The following ZNF599 variants were observed in gnomAD, a reference collection of about 807,000 sequenced individuals.
ZNF599 encodes the protein zinc finger protein 599.
In ZNF599, 10 loss-of-function variants were observed where a neutral mutation model predicts 11.7. The observed-to-expected ratio is 0.86, with a 90% CI of 0.53 to 1.45. The LOEUF (loss-of-function observed/expected upper bound fraction) is 1.45, where lower values mean the gene tolerates loss of function less well. ZNF599 is among the 40% of genes most tolerant of loss of function. The probability of loss-of-function intolerance (pLI) is 0.00; values close to 1 mark genes in which losing one functional copy is unlikely to be tolerated. For missense variants in ZNF599, 688 were observed against 713.6 expected (o/e 0.96, Z 0.41); for synonymous variants, 232 against 253.2 (o/e 0.92, Z 0.79).
chr19:34,769,807 C>G (rs780405485), intron 1 of ZNF599, among the ~76,000 whole-genome samples: 2 of 152,174 alleles, frequency 1.3e-5, no homozygotes, highest in Non-Finnish European at 2.9e-5. Context: ...GAGGAGCAGA[C>G]AGTAATGTCC....
In ZNF599 at chr19:34,760,257, C is replaced by G. The variant is rs2069103504; in HGVS notation, c.544G>C (p.Asp182His). Residue 182 changes from aspartate (D) to histidine (H), a missense_variant, in exon 4 of 4, where the codon GAC becomes CAC. Transcript: ENST00000329285. ...GGGTCTTTTCCTGGTCCTTGAGAGT[C>G]ACACTCATGGAGAGCATCTTGTGGA... ...VTPQDALHEC[D>H]SQGPGKDPMT... is the part of the protein sequence containing the mutation. The G allele has an allele frequency of 1.9e-6, 3 of 1,614,024 alleles. No homozygotes were observed. The highest frequency in any genetic ancestry group is 1.3e-5 in the African/African-American group (1 of 74,888).
chr19:34,776,123 T>C (rs2069216172), upstream of ZNF599, among the ~76,000 whole-genome samples: 1 of 152,220 alleles, frequency 6.6e-6, no homozygotes, highest in Admixed American at 6.5e-5. Context: ...TGCATTTACT[T>C]TCAATCAACA....
At chr19:34,802,843 A>G in the ZNF599 span, among the ~76,000 whole-genome samples, 1 of 152,304 alleles carries the variant, frequency 6.6e-6, no homozygotes, top group Non-Finnish European at 1.5e-5. Context: ...CCCTGCTCCC[A>G]GCTGAGAATA....
At chr19:34,769,705 C>T in intron 1 of ZNF599, 150 bp from the exon 2 acceptor site, 1 of 906,332 alleles carries the variant, frequency 1.1e-6, no homozygotes, top group South Asian at 1.7e-5. Flanking sequence ...GATGGTGCCG[C>T]TGACAGAATA....
At chr19:34,766,439 G>C (rs145156586) in intron 3 of ZNF599, among the ~76,000 whole-genome samples, 150 of 152,356 alleles carry the variant, frequency 9.8e-4, no homozygotes, top group African/African-American at 3.5e-3. Context: ...GCAGAGTGTA[G>C]TTTGAAATAG....
the ZNF599 span, among the ~76,000 whole-genome samples, chr19:34,790,223 T>C: frequency 1.3e-5 from 2 of 152,198 alleles, no homozygotes; most frequent in Non-Finnish European, 2.9e-5. Flanking sequence ...ACAAAAGGCT[T>C]TCTGACATGC....
At chr19:34,794,694 C>G in the ZNF599 span, among the ~76,000 whole-genome samples, 1 of 151,976 alleles carries the variant, frequency 6.6e-6, no homozygotes, top group Non-Finnish European at 1.5e-5. Context: ...CCTCAGCCTT[C>G]CAAGTAGCTA....
At chr19:34,802,566 T>C in the ZNF599 span, among the ~76,000 whole-genome samples, 2 of 152,116 alleles carry the variant, frequency 1.3e-5, no homozygotes, top group Non-Finnish European at 2.9e-5. Context: ...CAGGAGTAGG[T>C]AAGATGTGCA....
chr19:34,780,653 G>A, the ZNF599 span, among the ~76,000 whole-genome samples: 1 of 142,924 alleles, frequency 7.0e-6, no homozygotes, highest in African/African-American at 2.6e-5. Context: ...GAAAGAGAGA[G>A]GGGGAGGGAG....
In ZNF599 at chr19:34,759,594, C is replaced by G; in HGVS notation, c.1207G>C (p.Ala403Pro). The change falls in exon 4 of 4, where the codon GCC (alanine) becomes CCC (proline). Residue 403 changes from alanine (A) to proline (P), a missense_variant. By Grantham distance (27) the Ala-to-Pro change is conservative. Coordinates refer to ENST00000329285, the MANE Select transcript of ZNF599 (RefSeq NM_001007248.3). Reference protein sequence around the residue: ...KPYECGECGKAFTHRSTFIRH... With the variant: ...KPYECGECGKPFTHRSTFIRH... ...ATGAAAGTGGAGCGATGAGTAAAGG[C>G]CTTTCCACATTCACCGCACTCATAG... 6.2e-7 allele frequency: 1 copy of G among 1,613,278 alleles called. No homozygotes were observed. The highest frequency in any genetic ancestry group is 2.2e-5 in the East Asian group (1 of 44,748).
chr19:34,772,900 C>T lies in ZNF599; in HGVS notation c.-59G>A, dbSNP rs577478703. The T allele has an allele frequency of 3.4e-4, 476 of 1,402,118 alleles. 2 individuals are homozygous for T. In the African/African-American group the frequency reaches 6.0e-3, roughly 18 times the overall value. 86.9% of individuals were successfully genotyped at this position (1,402,118 alleles called of 1,614,324 possible). A position where few individuals can be genotyped will look rare whatever the true frequency, so the allele number is the denominator to read the frequency against. The stretch of plus-strand genomic sequence containing the variant: ...GGCGAGGAAGCCGGTCCTGCGGGCT[C>T]GGCCGACCCCGGGCTCCGGCTCTGG... On this transcript the variant is annotated 5_prime_UTR_variant, in exon 1 of 4. Coordinates refer to ENST00000329285, the MANE Select transcript of ZNF599 (RefSeq NM_001007248.3).
At chr19:34,762,435 T>C (rs566196386) in intron 3 of ZNF599, among the ~76,000 whole-genome samples, 1 of 152,322 alleles carries the variant, frequency 6.6e-6, no homozygotes, top group South Asian at 2.1e-4. Context: ...GAGCATTATC[T>C]AGTAAAATTC....
chr19:34,761,064 A>G (rs569489415), intron 3 of ZNF599, among the ~76,000 whole-genome samples: 1 of 152,180 alleles, frequency 6.6e-6, no homozygotes, highest in Non-Finnish European at 1.5e-5. Flanking sequence ...AGATGAAAAC[A>G]GAATGTACAA....
upstream of ZNF599, among the ~76,000 whole-genome samples, chr19:34,777,396 T>C (rs865950377): frequency 1.9e-4 from 17 of 87,874 alleles, no homozygotes; most frequent in East Asian, 1.1e-3. Flanking sequence ...TAATATATAA[T>C]ATATATTATA....
At chr19:34,801,081 A>G in the ZNF599 span, among the ~76,000 whole-genome samples, 1 of 152,222 alleles carries the variant, frequency 6.6e-6, no homozygotes, top group Non-Finnish European at 1.5e-5. Context: ...CACCTTCTCC[A>G]TATCACAGTC....
At chr19:34,768,982 A>G (rs1176925416) in intron 2 of ZNF599, among the ~76,000 whole-genome samples, 9 of 152,188 alleles carry the variant, frequency 5.9e-5, no homozygotes, top group African/African-American at 1.9e-4. Context: ...AGGTGCTAGG[A>G]GCCAAAGAGA....
chr19:34,779,122 T>C, the ZNF599 span, among the ~76,000 whole-genome samples: 2 of 152,114 alleles, frequency 1.3e-5, no homozygotes, highest in African/African-American at 2.4e-5. Flanking sequence ...GGTCTTACTC[T>C]GTCACCCAGG....
intron 3 of ZNF599, chr19:34,763,193 G>C (rs529708846): frequency 5.9e-5 from 9 of 152,174 alleles, no homozygotes; most frequent in African/African-American, 1.9e-4. Flanking sequence ...CTTGGCGAAA[G>C]GTTTGTAGGT....
At chr19:34,793,638 T>C in the ZNF599 span, among the ~76,000 whole-genome samples, 13 of 152,316 alleles carry the variant, frequency 8.5e-5, no homozygotes, top group South Asian at 4.1e-4. Context: ...AACCCCAGAA[T>C]TGGGGCTTGG....
Sources: gnomAD v4.1 joint callset for allele counts (sites outside exome capture counted in the v4.1 genomes callset) on GRCh38, gnomAD v4.1.1 for gene constraint, MANE v1.5 for transcripts, NCBI Gene and HGNC (gene_info 2026-07-23, HGNC 2026-07-21) for gene names.